Variants in BTBD9 observed in about 807,000 individuals in gnomAD.
BTBD9 encodes the protein BTB domain containing 9.
Under a neutral mutation model 64.3 loss-of-function variants are expected in BTBD9, and 49 were observed. The ratio of observed to expected loss-of-function variants is 0.76; its 90% CI spans 0.61 to 0.97. The LOEUF (loss-of-function observed/expected upper bound fraction) is 0.97. Among genes scored for constraint, BTBD9 ranks in the 50% least tolerant of loss-of-function variants. The pLI is 0.00. For synonymous variants in BTBD9, 260 were observed against 274.7 expected, an observed-to-expected ratio of 0.95 and a Z score of 0.53; for missense variants, 598 against 762.1, an observed-to-expected ratio of 0.78 and a Z score of 2.53.
At chr6:38,398,229 T>C (rs1378813663) in intron 6 of BTBD9, among the ~76,000 whole-genome samples, 2 of 152,204 alleles carry the variant, frequency 1.3e-5, no homozygotes, top group Non-Finnish European at 2.9e-5. Context: ...TTAAAAACAC[T>C]ATATTAAATG....
intron 9 of BTBD9, among the ~76,000 whole-genome samples, chr6:38,208,301 C>T (rs549672851): frequency 6.6e-6 from 1 of 152,254 alleles, no homozygotes; most frequent in African/African-American, 2.4e-5. Context: ...TATGAGTGAG[C>T]CTCTTGAGCT....
intron 3 of BTBD9, among the ~76,000 whole-genome samples, chr6:38,593,130 A>T (rs1236263589): frequency 1.3e-5 from 2 of 152,234 alleles, no homozygotes; most frequent in Non-Finnish European, 2.9e-5. Flanking sequence ...GAAAAACGCC[A>T]AAGTGAAAAG....
intron 6 of BTBD9, among the ~76,000 whole-genome samples, chr6:38,505,794 A>G (rs1385260887): frequency 6.6e-6 from 1 of 150,828 alleles, no homozygotes. Flanking sequence ...GTGAAACCCC[A>G]TCTCTACCAA....
At chr6:38,627,155 G>A (rs750441977) in intron 1 of BTBD9, among the ~76,000 whole-genome samples, 48 of 152,202 alleles carry the variant, frequency 3.2e-4, no homozygotes, top group Non-Finnish European at 4.7e-4. Context: ...ATTACACCAC[G>A]GCAAAGATGG....
chr6:38,384,302 C>T (rs965470251), intron 6 of BTBD9, among the ~76,000 whole-genome samples: 2 of 152,132 alleles, frequency 1.3e-5, no homozygotes, highest in East Asian at 1.9e-4. Context: ...ATCAAATATG[C>T]TTGATTCTCT....
At chr6:38,454,682 T>C (rs1769717591) in intron 6 of BTBD9, among the ~76,000 whole-genome samples, 1 of 151,428 alleles carries the variant, frequency 6.6e-6, no homozygotes, top group East Asian at 1.9e-4. Context: ...CCTGTTGTCC[T>C]AGCTACTGGG....
intron 6 of BTBD9, among the ~76,000 whole-genome samples, chr6:38,356,937 G>A (rs1451634800): frequency 2.6e-5 from 4 of 152,146 alleles, no homozygotes; most frequent in African/African-American, 9.7e-5. Context: ...GGGGGTGCTG[G>A]GGAGGGTGGT....
intron 1 of BTBD9, among the ~76,000 whole-genome samples, chr6:38,609,568 A>T (rs950531734): frequency 6.6e-6 from 1 of 152,186 alleles, no homozygotes; most frequent in East Asian, 1.9e-4. Flanking sequence ...AAATCCAATT[A>T]AAAAAAGACA....
chr6:38,206,418 T>C (rs1762654097), intron 9 of BTBD9, among the ~76,000 whole-genome samples: 1 of 152,096 alleles, frequency 6.6e-6, no homozygotes, highest in East Asian at 1.9e-4. Flanking sequence ...TTTTTGTATT[T>C]TTAGTAGAGA....
At chr6:38,328,168 G>GT (rs1242945374) in intron 7 of BTBD9, among the ~76,000 whole-genome samples, 2 of 152,008 alleles carry the variant, frequency 1.3e-5, no homozygotes, top group African/African-American at 2.4e-5. Flanking sequence ...ATAATCTCTG[G>GT]TAATCCCATA....
intron 6 of BTBD9, among the ~76,000 whole-genome samples, chr6:38,474,073 G>A (rs1259090626): frequency 6.6e-6 from 1 of 151,950 alleles, no homozygotes; most frequent in Non-Finnish European, 1.5e-5. Flanking sequence ...TAAGAAGTTG[G>A]GTTTTATCTC....
intron 6 of BTBD9, among the ~76,000 whole-genome samples, chr6:38,466,310 T>A (rs9357275): frequency 6.9e-4 from 59 of 85,118 alleles, no homozygotes; most frequent in Admixed American, 2.8e-3. Flanking sequence ...TTTTTTTTTT[T>A]AGATGGAGTT....
chr6:38,325,460 C>T (rs1030951652), intron 7 of BTBD9, among the ~76,000 whole-genome samples: 3 of 152,034 alleles, frequency 2.0e-5, no homozygotes, highest in Non-Finnish European at 2.9e-5. Flanking sequence ...CCGAGGCGGG[C>T]GGATCATGAG....
intron 9 of BTBD9, among the ~76,000 whole-genome samples, chr6:38,218,931 C>T (rs1763100323): frequency 6.6e-6 from 1 of 152,136 alleles, no homozygotes; most frequent in South Asian, 2.1e-4. Context: ...GAAAGACCAT[C>T]TCCAGTATAC....
intron 1 of BTBD9, among the ~76,000 whole-genome samples, chr6:38,635,239 G>A (rs1778491141): frequency 6.6e-6 from 1 of 151,966 alleles, no homozygotes; most frequent in South Asian, 2.1e-4. Flanking sequence ...GGGTTCAAGC[G>A]ATTCTCTTGC....
intron 6 of BTBD9, among the ~76,000 whole-genome samples, chr6:38,346,630 G>A (rs1022320714): frequency 4.0e-5 from 6 of 151,854 alleles, no homozygotes; most frequent in Non-Finnish European, 8.8e-5. Context: ...TGGGTGGGTG[G>A]GTAGGTTCAT....
At chr6:38,317,429 T>A (rs1253380457) in intron 7 of BTBD9, among the ~76,000 whole-genome samples, 3 of 152,224 alleles carry the variant, frequency 2.0e-5, no homozygotes, top group Non-Finnish European at 2.9e-5. Flanking sequence ...AGGATCCTTT[T>A]TTTTTATCCC....
intron 9 of BTBD9, among the ~76,000 whole-genome samples, chr6:38,249,478 C>T (rs191079952): frequency 1.3e-5 from 2 of 152,102 alleles, no homozygotes; most frequent in East Asian, 3.9e-4. Context: ...GTTGCTGGGG[C>T]TGGTCTTGAA....
intron 7 of BTBD9, among the ~76,000 whole-genome samples, chr6:38,328,011 G>A (rs537953612): frequency 6.6e-6 from 1 of 152,260 alleles, no homozygotes; most frequent in South Asian, 2.1e-4. Context: ...ATCCTGCCTT[G>A]TCCCTCACTT....
Sources: gnomAD v4.1 joint callset for allele counts (sites outside exome capture counted in the v4.1 genomes callset) on GRCh38, gnomAD v4.1.1 for gene constraint, MANE v1.5 for transcripts, NCBI Gene and HGNC (gene_info 2026-07-23, HGNC 2026-07-21) for gene names.